Variants in SCFD1 observed in about 807,000 individuals in gnomAD.
The protein encoded by SCFD1 is sec1 family domain-containing protein 1.
SCFD1 carries 37 observed loss-of-function variants against 103.2 expected under a neutral mutation model. The observed-to-expected ratio is 0.36, with a 90% CI of 0.28 to 0.47. SCFD1 has a LOEUF of 0.47. Among genes scored for constraint, SCFD1 ranks in the 20% least tolerant of loss-of-function variants. The probability of loss-of-function intolerance (pLI) is 1.00; values close to 1 mark genes in which losing one functional copy is unlikely to be tolerated. For missense variants in SCFD1, 639 were observed against 761.2 expected, an observed-to-expected ratio of 0.84 and a Z score of 1.89; for synonymous variants, 264 against 245.0, an observed-to-expected ratio of 1.08 and a Z score of -0.73.
rs141848397 is a variant in SCFD1, at chr14:30,716,912, T to C, written c.1683+935T>C. 6.8e-4 allele frequency among the ~76,000 whole-genome samples: 104 copies of C among 152,302 alleles called. 1 individual carries two copies. Among genetic ancestry groups the C allele is most frequent in the African/African-American group, 2.0e-3 (84 of 41,572 alleles). ...ATTTATAATGATAAACTAAAAAGGA[T>C]TGGATTCTTCCATCTGGGAATCAAT... On this transcript the variant is annotated intron_variant, in intron 20 of 24. Transcript: ENST00000458591.
At chr14:30,652,669 C>T (rs1484512381) in intron 9 of SCFD1, among the ~76,000 whole-genome samples, 1 of 152,164 alleles carries the variant, frequency 6.6e-6, no homozygotes, top group Middle Eastern at 3.4e-3. Context: ...ATTTTGCTAA[C>T]CACAAAAATT....
rs574475100 is a variant in SCFD1 at position 30,701,811 on chromosome 14, A to G, written c.1411-485A>G. 3.5e-5 allele frequency among the ~76,000 whole-genome samples: 5 copies of G among 142,574 alleles called. No homozygotes were observed. In the South Asian group the frequency reaches 1.1e-3, roughly 31 times the overall value. 93.5% of individuals were successfully genotyped at this position (142,574 alleles called of 152,430 possible). A position where few individuals can be genotyped will look rare whatever the true frequency, so the allele number is the denominator to read the frequency against. On this transcript the variant is annotated intron_variant, in intron 16 of 24. Coordinates refer to ENST00000458591, the MANE Select transcript of SCFD1 (RefSeq NM_016106.4). ...ATCAGAAAATGAGTAAGGAAGAGTG[A>G]AAAAAAAAAAATTTAAAAGTGCGGG...
intron 15 of SCFD1, among the ~76,000 whole-genome samples, chr14:30,696,388 A>G (rs1047904496): frequency 6.6e-6 from 1 of 152,248 alleles, no homozygotes; most frequent in African/African-American, 2.4e-5. Context: ...ACTTTCGAGT[A>G]AAGTTGAAAC....
intron 10 of SCFD1, among the ~76,000 whole-genome samples, chr14:30,662,196 A>G (rs1401257599): frequency 3.3e-5 from 5 of 152,178 alleles, no homozygotes; most frequent in African/African-American, 1.2e-4. Context: ...CCTATTCCCC[A>G]AACTATTTAA....
Position 30,673,911 on chromosome 14 carries a change from T to C in SCFD1, c.1087-13T>C, listed in dbSNP as rs758143053. ...ATTTTTGAGTAGCTATTGAGACCTT[T>C]TTTCTTTACAAGGGACTAGAAGGGG... On this transcript the variant is annotated splice_polypyrimidine_tract_variant and intron_variant, in intron 12 of 24. Transcript: ENST00000458591. 8.1e-6 allele frequency: 13 copies of C among 1,608,426 alleles called. No homozygotes were observed. The highest frequency in any genetic ancestry group is 8.5e-6 in the Non-Finnish European group (10 of 1,174,954).
chr14:30,670,559 T>G (rs185779809), intron 11 of SCFD1, among the ~76,000 whole-genome samples, 164 bp downstream of exon 11: 131 of 152,170 alleles, frequency 8.6e-4, no homozygotes, highest in African/African-American at 2.9e-3. Flanking sequence ...TATTTCTCCA[T>G]TTCTCACTGA....
chr14:30,644,065 G>T, intron 7 of SCFD1: 1 of 443,614 alleles, frequency 2.3e-6, no homozygotes. Flanking sequence ...TTTTCTTTTT[G>T]TTTAGCTCCC....
Position 30,673,282 on chromosome 14 carries a change from G to A in SCFD1, c.1021G>A (p.Val341Ile). 1 of 1,597,442 alleles carries A rather than the reference G, an allele frequency of 6.3e-7. No homozygotes were observed. Among genetic ancestry groups the A allele is most frequent in the Non-Finnish European group, 8.5e-7 (1 of 1,169,782 alleles). ...TCCATTCCCAGAAGTTGCAGAATCA[G>A]TTCAGCAAGAACTAGAATCTTACAG... The part of the protein sequence containing the change: ...GSPFPEVAES[V>I]QQELESYRAQ... Residue 341 changes from valine to isoleucine, a missense_variant, in exon 12 of 25, where the codon GTT (valine) becomes ATT (isoleucine). Val to Ile is a conservative substitution (Grantham distance 29). Coordinates refer to ENST00000458591, the MANE Select transcript of SCFD1 (RefSeq NM_016106.4).
At chr14:30,721,768 G>T in intron 21 of SCFD1, 116 bp from the exon 22 acceptor site, 1 of 837,734 alleles carries the variant, frequency 1.2e-6, no homozygotes, top group Non-Finnish European at 2.0e-6. Context: ...AGAAGGTGAA[G>T]GAGGTAGAAT....
At chr14:30,660,990 A>G (rs1026441443) in intron 10 of SCFD1, among the ~76,000 whole-genome samples, 4 of 152,172 alleles carry the variant, frequency 2.6e-5, no homozygotes, top group African/African-American at 9.7e-5. Context: ...TGAGTAACAA[A>G]TAGTGGATAC....
intron 19 of SCFD1, among the ~76,000 whole-genome samples, chr14:30,711,343 C>A (rs987891334): frequency 3.9e-5 from 6 of 152,184 alleles, no homozygotes; most frequent in African/African-American, 1.4e-4. Flanking sequence ...TGCAGTGGCT[C>A]ACGCCTGTAA....
In SCFD1 at chr14:30,731,308, T is replaced by G. The variant is rs1176820519; in HGVS notation, c.1837-3482T>G. On this transcript the variant is annotated intron_variant, in intron 23 of 24. Coordinates refer to ENST00000458591, the MANE Select transcript of SCFD1 (RefSeq NM_016106.4). ...GTGATGCCTCCAGCTTTGTTCTTTT[T>G]GCTTAGGATTGACTTGGCAATGCAG... 1.2e-4 allele frequency among the ~76,000 whole-genome samples: 19 copies of G among 152,336 alleles called. 1 individual carries two copies. The highest frequency in any genetic ancestry group is 4.1e-4 in the African/African-American group (17 of 41,576).
chr14:30,630,921 T>G (rs1238926830), intron 3 of SCFD1: 4 of 182,026 alleles, frequency 2.2e-5, no homozygotes, highest in African/African-American at 9.6e-5. Flanking sequence ...CATCATAAGT[T>G]GAAATTTTGT....
intron 19 of SCFD1, among the ~76,000 whole-genome samples, chr14:30,714,706 G>T (rs990585718): frequency 1.3e-5 from 2 of 152,128 alleles, no homozygotes; most frequent in African/African-American, 2.4e-5. Flanking sequence ...GTTATTTATA[G>T]ATTTTTATCT....
intron 23 of SCFD1, chr14:30,722,773 T>C (rs1892740453): frequency 2.9e-6 from 1 of 346,352 alleles, no homozygotes; most frequent in South Asian, 1.1e-4. Flanking sequence ...AAACAATGTA[T>C]CTTATTGATA....
chr14:30,683,357 G>C (rs1347545383), intron 14 of SCFD1: 1 of 578,908 alleles, frequency 1.7e-6, no homozygotes, highest in Non-Finnish European at 3.1e-6. Context: ...ACTCTAGTGA[G>C]AGCTTATGCT....
chr14:30,723,219 G>T lies in SCFD1; in HGVS notation c.1836+660G>T, dbSNP rs191330500. Among the ~76,000 whole-genome samples, 131 of 151,966 alleles carry T rather than the reference G, an allele frequency of 8.6e-4. 1 individual carries two copies. Among genetic ancestry groups the T allele is most frequent in the African/African-American group, 3.0e-3 (125 of 41,434 alleles). On this transcript the variant is annotated intron_variant, in intron 23 of 24. Coordinates refer to ENST00000458591, the MANE Select transcript of SCFD1 (RefSeq NM_016106.4). The stretch of plus-strand genomic sequence containing the variant: ...TGTATGGCCCTAATAATGGTAGAGG[G>T]TTATGGTACAATGAAGACAAAAACA...
At chr14:30,625,661 G>T (rs1013468274) in intron 1 of SCFD1, among the ~76,000 whole-genome samples, 1 of 151,976 alleles carries the variant, frequency 6.6e-6, no homozygotes, top group Non-Finnish European at 1.5e-5. Context: ...ACCTATATAG[G>T]TATAGGTATA....
chr14:30,659,019 A>G (rs906549378), intron 10 of SCFD1, among the ~76,000 whole-genome samples: 8 of 152,214 alleles, frequency 5.3e-5, no homozygotes, highest in Non-Finnish European at 1.0e-4. Flanking sequence ...TAAAAGCCCA[A>G]AAGATATCCC....
Sources: gnomAD v4.1 joint callset for allele counts (sites outside exome capture counted in the v4.1 genomes callset) on GRCh38, gnomAD v4.1.1 for gene constraint, MANE v1.5 for transcripts, NCBI Gene and HGNC (gene_info 2026-07-23, HGNC 2026-07-21) for gene names.